ZNF324B: variants seen among roughly 807,000 people sequenced by gnomAD.
ZNF324B encodes zinc finger protein 324B.
Under a neutral mutation model 10.6 loss-of-function variants are expected in ZNF324B, and 7 were observed. The observed-to-expected ratio is 0.66, with a 90% CI of 0.38 to 1.24. The LOEUF (loss-of-function observed/expected upper bound fraction) is 1.24. Ranked by LOEUF, ZNF324B falls within the 50% of genes most tolerant of loss-of-function variation. ZNF324B has a pLI of 0.02. For missense variants in ZNF324B, 640 were observed against 764.7 expected, an observed-to-expected ratio of 0.84 and a Z score of 1.92; for synonymous variants, 316 against 321.0, an observed-to-expected ratio of 0.98 and a Z score of 0.17.
chr19:58,427,427 C>T, the ZNF324B span, among the ~76,000 whole-genome samples: 65 of 33,300 alleles, frequency 2.0e-3, 2 homozygotes, highest in African/African-American at 0.01. Flanking sequence ...TCCTTCCTTC[C>T]TTCCTTCCTT....
the ZNF324B span, chr19:58,432,287 T>C: frequency 6.2e-5 from 32 of 517,932 alleles, no homozygotes; most frequent in Non-Finnish European, 1.0e-4. Context: ...GTACATGACA[T>C]TGCATTTATC....
In ZNF324B at chr19:58,456,415, C is replaced by G. The variant is rs777633737; in HGVS notation, c.1471C>G (p.Arg491Gly). 1 of 1,613,442 alleles carries G rather than the reference C, an allele frequency of 6.2e-7. No individual in the cohort carries two copies. Among genetic ancestry groups the G allele is most frequent in the Non-Finnish European group, 8.5e-7 (1 of 1,180,042 alleles). ...GTGCACGCAGTGTGGCCGCGCCTTC[C>G]GTGAGCGCCCTGCCCTCTTGCACCA... ...FVCTQCGRAF[R>G]ERPALLHHQR... Residue 491 changes from arginine to glycine, a missense_variant, in exon 4 of 4, where the codon CGT becomes GGT. Arg to Gly is a moderately radical substitution (Grantham distance 125). Coordinates refer to ENST00000336614, the MANE Select transcript of ZNF324B (RefSeq NM_207395.3). This position sits in a 1 kb window ranked among gnomAD's most constrained non-coding sequence, Gnocchi z 4.7.
the ZNF324B span, among the ~76,000 whole-genome samples, chr19:58,423,660 C>G: frequency 0.021 from 3,252 of 152,256 alleles, 121 homozygotes; most frequent in African/African-American, 0.075. Context: ...CACTACCTGA[C>G]TTGAAAATAT....
At chr19:58,423,982 G>A in the ZNF324B span, among the ~76,000 whole-genome samples, 1 of 152,032 alleles carries the variant, frequency 6.6e-6, no homozygotes. Flanking sequence ...GCTCACACCT[G>A]TAATCCCAGC....
the ZNF324B span, among the ~76,000 whole-genome samples, chr19:58,427,528 CTTTT>C: frequency 8.3e-6 from 1 of 121,148 alleles, no homozygotes; most frequent in African/African-American, 3.2e-5. Flanking sequence ...TTCTTTCTTT[CTTTT>C]CTTGTAGAGA....
chr19:58,422,344 C>G, the ZNF324B span, among the ~76,000 whole-genome samples: 1 of 152,138 alleles, frequency 6.6e-6, no homozygotes, highest in Non-Finnish European at 1.5e-5. Context: ...AGCTTTTTCT[C>G]TCAGAACTGG....
chr19:58,447,002 G>C (rs189382476), upstream of ZNF324B, among the ~76,000 whole-genome samples: 1 of 145,922 alleles, frequency 6.9e-6, no homozygotes, highest in Admixed American at 6.9e-5. Context: ...TTGAGGCAGA[G>C]TCTCACTCTG....
Position 58,455,815 on chromosome 19 carries a change from G to A in ZNF324B, c.871G>A (p.Gly291Ser), listed in dbSNP as rs1295314450. 1.2e-6 allele frequency: 2 copies of A among 1,614,104 alleles called. No individual in the cohort carries two copies. The highest frequency in any genetic ancestry group is 1.1e-5 in the South Asian group (1 of 91,084). The stretch of plus-strand genomic sequence containing the variant: ...GCGGCCCTACGAGTGCACCCAGTGC[G>A]GCAAGGCCTTCAGCCAGACGTCGCA... ...GERPYECTQC[G>S]KAFSQTSHLT... is the part of the protein sequence containing the mutation. Residue 291 changes from glycine to serine, a missense_variant, in exon 4 of 4, where the codon GGC becomes AGC. Transcript: ENST00000336614. The surrounding 1 kb of genome is among the most constrained non-coding windows in gnomAD (Gnocchi z 7.0).
chr19:58,427,370 CTTTCTTTCTTT>C, the ZNF324B span, among the ~76,000 whole-genome samples: 1,138 of 40,542 alleles, frequency 0.028, 9 homozygotes, highest in Non-Finnish European at 0.037. Flanking sequence ...TTCTTTCTTT[CTTTCTTTCTTT>C]CTTTCTTTCT....
At chr19:58,443,591 C>T in the ZNF324B span, 2 of 152,316 alleles carry the variant, frequency 1.3e-5, no homozygotes, top group Non-Finnish European at 2.9e-5. Flanking sequence ...TCAATGCCCA[C>T]CTGGAATCGG....
chr19:58,425,776 T>C, the ZNF324B span, among the ~76,000 whole-genome samples: 1 of 152,160 alleles, frequency 6.6e-6, no homozygotes, highest in Non-Finnish European at 1.5e-5. Flanking sequence ...CAGCCTGAGA[T>C]ATTTCTTTAT....
At chr19:58,419,750 G>A in the ZNF324B span, among the ~76,000 whole-genome samples, 1 of 152,184 alleles carries the variant, frequency 6.6e-6, no homozygotes, top group Non-Finnish European at 1.5e-5. Flanking sequence ...CTGTCATGGT[G>A]TCAGGGCTTT....
the ZNF324B span, chr19:58,434,595 C>T: frequency 0.95 from 1,526,286 of 1,614,154 alleles, 721,893 homozygotes; most frequent in African/African-American, 0.99. Context: ...CAGTGTGAAA[C>T]TTTTTATTAC....
chr19:58,434,820 G>A, the ZNF324B span: 1 of 1,614,162 alleles, frequency 6.2e-7, no homozygotes, highest in East Asian at 2.2e-5. Flanking sequence ...CTTGAAGCTG[G>A]AGGAGGTCAC....
chr19:58,422,972 C>G, the ZNF324B span, among the ~76,000 whole-genome samples: 13 of 150,642 alleles, frequency 8.6e-5, no homozygotes, highest in African/African-American at 3.2e-4. Context: ...CGGGTTCACA[C>G]CATTCTTCTG....
the ZNF324B span, chr19:58,432,426 G>T: frequency 2.4e-6 from 1 of 416,992 alleles, no homozygotes; most frequent in Middle Eastern, 3.5e-4. Context: ...TGTCCATGAT[G>T]GCATGTGCCC....
the ZNF324B span, chr19:58,434,350 T>C: frequency 6.2e-7 from 1 of 1,614,268 alleles, no homozygotes; most frequent in Non-Finnish European, 8.5e-7. Context: ...AACTTTCTCA[T>C]GCCGAATGAG....
chr19:58,453,469 T>G (rs2122349253), intron 1 of ZNF324B, among the ~76,000 whole-genome samples: 1 of 152,152 alleles, frequency 6.6e-6, no homozygotes, highest in East Asian at 1.9e-4. Flanking sequence ...AGCCTGCTTG[T>G]GTAGGGGTGG....
At chr19:58,432,797 A>G in the ZNF324B span, 4 of 164,880 alleles carry the variant, frequency 2.4e-5, no homozygotes. Flanking sequence ...CCCCAACAGA[A>G]CCCCTAAGAT....
Sources: allele counts gnomAD v4.1 joint callset (sites outside exome capture counted in the v4.1 genomes callset), GRCh38; gene constraint gnomAD v4.1.1; non-coding constraint Gnocchi (gnomAD v3.1); transcripts MANE v1.5; gene names NCBI Gene and HGNC (gene_info 2026-07-23, HGNC 2026-07-21).